The following FHIT variants were observed in gnomAD, a reference collection of about 807,000 sequenced individuals.
FHIT encodes bis(5'-adenosyl)-triphosphatase.
In FHIT, 19 loss-of-function variants were observed where a neutral mutation model predicts 17.9. The observed-to-expected ratio is 1.06, with a 90% CI of 0.74 to 1.56. FHIT has a LOEUF of 1.56. Among genes scored for constraint, FHIT ranks in the 40% most tolerant of loss-of-function variants. The pLI is 0.00. For missense variants in FHIT, 248 were observed against 189.2 expected, an observed-to-expected ratio of 1.31 and a Z score of -1.82; for synonymous variants, 81 against 69.7, an observed-to-expected ratio of 1.16 and a Z score of -0.81.
At chr3:60,790,604 C>T (rs1257643546) in intron 4 of FHIT, among the ~76,000 whole-genome samples, 1 of 152,136 alleles carries the variant, frequency 6.6e-6, no homozygotes, top group East Asian at 1.9e-4. Flanking sequence ...GATCAAACCA[C>T]ATTCCATTAC....
chr3:60,605,319 C>T (rs1553670682), intron 4 of FHIT, among the ~76,000 whole-genome samples: 1 of 152,126 alleles, frequency 6.6e-6, no homozygotes, highest in Non-Finnish European at 1.5e-5. Flanking sequence ...GAAACAAATG[C>T]CTACTTAACT....
intron 4 of FHIT, among the ~76,000 whole-genome samples, chr3:60,694,580 T>C (rs1446365665): frequency 1.3e-5 from 2 of 152,264 alleles, no homozygotes; most frequent in Non-Finnish European, 2.9e-5. Flanking sequence ...ACCCAAAGGA[T>C]TATAAATATT....
intron 4 of FHIT, among the ~76,000 whole-genome samples, chr3:60,789,253 C>T (rs1457728429): frequency 1.3e-5 from 2 of 151,650 alleles, no homozygotes; most frequent in Non-Finnish European, 2.9e-5. Context: ...GGTGCTGTGG[C>T]TCAAGCCTGA....
chr3:60,396,609 A>G (rs1701452569), intron 5 of FHIT, among the ~76,000 whole-genome samples: 1 of 152,192 alleles, frequency 6.6e-6, no homozygotes. Flanking sequence ...CCATGGAGAT[A>G]GAACACAGAT....
intron 5 of FHIT, among the ~76,000 whole-genome samples, chr3:60,327,988 C>A (rs1428557272): frequency 6.6e-6 from 1 of 152,102 alleles, no homozygotes; most frequent in Non-Finnish European, 1.5e-5. Flanking sequence ...CCTGTGAGAG[C>A]TAAAACATGG....
intron 3 of FHIT, among the ~76,000 whole-genome samples, chr3:60,989,681 T>G (rs962602601): frequency 1.3e-5 from 2 of 152,230 alleles, no homozygotes; most frequent in Non-Finnish European, 2.9e-5. Context: ...TGTTAAATTC[T>G]GATCATTTTT....
chr3:60,429,322 C>T (rs1464921627), intron 5 of FHIT, among the ~76,000 whole-genome samples: 1 of 152,004 alleles, frequency 6.6e-6, no homozygotes, highest in African/African-American at 2.4e-5. Flanking sequence ...AATGGTTACG[C>T]TTTGGACAAG....
intron 3 of FHIT, among the ~76,000 whole-genome samples, chr3:61,013,386 C>T (rs1488752243): frequency 6.6e-6 from 1 of 152,160 alleles, no homozygotes; most frequent in Non-Finnish European, 1.5e-5. Flanking sequence ...ATTTGCTTTA[C>T]CCTAAGACTC....
intron 8 of FHIT, among the ~76,000 whole-genome samples, chr3:59,895,763 C>T (rs939707060): frequency 3.3e-5 from 5 of 152,194 alleles, no homozygotes; most frequent in African/African-American, 1.2e-4. Context: ...ACCATATGTC[C>T]TGTTAAAGGC....
intron 5 of FHIT, among the ~76,000 whole-genome samples, chr3:60,394,127 A>G (rs1701342083): frequency 6.6e-6 from 1 of 152,122 alleles, no homozygotes; most frequent in South Asian, 2.1e-4. Flanking sequence ...GATAGAGTAA[A>G]ACACTGAATG....
chr3:60,786,035 T>A (rs1245354438), intron 4 of FHIT, among the ~76,000 whole-genome samples: 1 of 152,178 alleles, frequency 6.6e-6, no homozygotes, highest in Non-Finnish European at 1.5e-5. Context: ...GTGTATAAGT[T>A]TTCTAACTTT....
At chr3:60,124,051 GAGAGAC>G (rs1426268385) in intron 5 of FHIT, among the ~76,000 whole-genome samples, 133 of 118,766 alleles carry the variant, frequency 1.1e-3, no homozygotes, top group East Asian at 3.5e-3. Flanking sequence ...GAGAGAGAGA[GAGAGAC>G]AGAGAGAGAG....
chr3:59,925,513 G>A (rs56999576), intron 7 of FHIT, among the ~76,000 whole-genome samples: 3,021 of 152,180 alleles, frequency 0.02, 100 homozygotes, highest in African/African-American at 0.066. Context: ...ACATATGGGG[G>A]GTTGCGAACC....
chr3:59,811,074 T>G (rs997775564), intron 8 of FHIT, among the ~76,000 whole-genome samples: 1 of 152,228 alleles, frequency 6.6e-6, no homozygotes, highest in Admixed American at 6.5e-5. Flanking sequence ...TTCCAATAAC[T>G]GACCAGTCTC....
intron 5 of FHIT, among the ~76,000 whole-genome samples, chr3:60,342,228 T>C (rs1049062580): frequency 3.3e-5 from 5 of 152,184 alleles, no homozygotes; most frequent in Admixed American, 2.0e-4. Context: ...TAAGTAGTTA[T>C]TGAATACACA....
intron 5 of FHIT, among the ~76,000 whole-genome samples, chr3:60,508,740 A>G (rs980389266): frequency 6.6e-6 from 1 of 152,112 alleles, no homozygotes; most frequent in African/African-American, 2.4e-5. Flanking sequence ...TTTGTATATT[A>G]TGAGGGTGTT....
chr3:60,384,662 G>A (rs921108080), intron 5 of FHIT, among the ~76,000 whole-genome samples: 1 of 151,840 alleles, frequency 6.6e-6, no homozygotes, highest in Non-Finnish European at 1.5e-5. Context: ...ACTGCCAAGG[G>A]CCAACCCCAT....
intron 5 of FHIT, among the ~76,000 whole-genome samples, chr3:60,343,042 G>A (rs1267119887): frequency 6.6e-6 from 1 of 152,108 alleles, no homozygotes; most frequent in Non-Finnish European, 1.5e-5. Context: ...AATAACAACT[G>A]ATAGTTACAC....
chr3:60,488,152 A>C (rs985238330), intron 5 of FHIT, among the ~76,000 whole-genome samples: 9 of 152,198 alleles, frequency 5.9e-5, no homozygotes, highest in African/African-American at 1.9e-4. Context: ...AACCTTTGTT[A>C]AATGATGAGG....
Sources: gnomAD v4.1 joint callset for allele counts (sites outside exome capture counted in the v4.1 genomes callset) on GRCh38, gnomAD v4.1.1 for gene constraint, MANE v1.5 for transcripts, NCBI Gene and HGNC (gene_info 2026-07-23, HGNC 2026-07-21) for gene names.